DGKK: variants seen among roughly 807,000 people sequenced by gnomAD.
The protein encoded by DGKK is 142 kDa diacylglycerol kinase.
DGKK carries 35 observed loss-of-function variants against 92.2 expected under a neutral mutation model. That is an observed-to-expected ratio of 0.38 (90% CI 0.29 to 0.50). The LOEUF is 0.50. Ranked by LOEUF, DGKK falls within the 20% of genes least tolerant of loss-of-function variation. The probability of loss-of-function intolerance (pLI) is 0.92; values close to 1 mark genes in which losing one functional copy is unlikely to be tolerated. For missense variants in DGKK, 910 were observed against 992.2 expected (o/e 0.92, Z 1.11); for synonymous variants, 368 against 360.6 (o/e 1.02, Z -0.23).
rs1442281111 is a variant in DGKK at position 50,368,152 on chromosome X, G to A, written c.*788C>T. 1 of 110,573 alleles carries A rather than the reference G, an allele frequency of 9.0e-6. No homozygotes were observed. Among genetic ancestry groups the A allele is most frequent in the Non-Finnish European group, 1.9e-5 (1 of 52,956 alleles). 9.1% of individuals were successfully genotyped at this position (110,573 alleles called of 1,213,427 possible). A position where few individuals can be genotyped will look rare whatever the true frequency, so the allele number is the denominator to read the frequency against. On this transcript the variant is annotated 3_prime_UTR_variant, in exon 28 of 28. Transcript: ENST00000611977. ...GCAAAACATTTAGTTAAAAAATCCAGCAAGAATGCAGGCAAACACTCCGTG... is the reference window on the plus strand; with the variant it reads ...GCAAAACATTTAGTTAAAAAATCCAACAAGAATGCAGGCAAACACTCCGTG...
chrX:50,462,350 C>T (rs1304584451), intron 1 of DGKK, among the ~76,000 whole-genome samples: 1 of 102,228 alleles, frequency 9.8e-6, no homozygotes, highest in Non-Finnish European at 2.0e-5. Context: ...TTTCTTTGTA[C>T]AACACTTCAG....
intron 24 of DGKK, 75 bp downstream of exon 24, chrX:50,375,949 G>T: frequency 9.0e-7 from 1 of 1,115,642 alleles, no homozygotes; most frequent in Admixed American, 2.6e-5. Flanking sequence ...CCAGCCTCCG[G>T]CTCCACTTCT....
In DGKK at chrX:50,417,787, A is replaced by G. The variant is rs550501531; in HGVS notation, c.942+2616T>C. Among the ~76,000 whole-genome samples the G allele has an allele frequency of 1.1e-3, 122 of 110,409 alleles. No individual in the cohort carries two copies. In the Middle Eastern group the frequency reaches 0.014, roughly 12 times the overall value. On this transcript the variant is annotated intron_variant, in intron 4 of 27. Transcript: ENST00000611977. Reference sequence around the variant, plus strand: ...TGTCTAACCCATCCTGTATTTCTAAAGTATCCCTCTTATCAATTCTCTTCC... The same window carrying G: ...TGTCTAACCCATCCTGTATTTCTAAGGTATCCCTCTTATCAATTCTCTTCC...
At chrX:50,436,346 T>C (rs1449098550) in intron 1 of DGKK, among the ~76,000 whole-genome samples, 1 of 112,244 alleles carries the variant, frequency 8.9e-6, no homozygotes, top group Non-Finnish European at 1.9e-5. Flanking sequence ...AATCTGAGTC[T>C]TGGAGAGATG....
At chrX:50,428,020 T>C (rs1307020486) in intron 1 of DGKK, among the ~76,000 whole-genome samples, 2 of 110,051 alleles carry the variant, frequency 1.8e-5, no homozygotes, top group African/African-American at 6.6e-5. Context: ...GAGTGGTTGT[T>C]TGAGTTCTTT....
At chrX:50,438,433 C>T (rs782519444) in intron 1 of DGKK, among the ~76,000 whole-genome samples, 5 of 111,641 alleles carry the variant, frequency 4.5e-5, no homozygotes, top group Non-Finnish European at 9.4e-5. Context: ...TCCAAGACCA[C>T]ACACAGTTAC....
intron 1 of DGKK, among the ~76,000 whole-genome samples, chrX:50,447,385 TA>T (rs1926373348): frequency 1.2e-4 from 2 of 17,385 alleles, no homozygotes; most frequent in African/African-American, 8.3e-4. Flanking sequence ...ATATATATAA[TA>T]TATATATATT....
chrX:50,447,043 T>C (rs1197965350), intron 1 of DGKK, among the ~76,000 whole-genome samples: 2 of 106,942 alleles, frequency 1.9e-5, no homozygotes, highest in African/African-American at 6.8e-5. Context: ...AATATAATAC[T>C]GTAAAAGATA....
chrX:50,369,554 C>T (rs1390561402), intron 27 of DGKK, among the ~76,000 whole-genome samples: 1 of 104,494 alleles, frequency 9.6e-6, no homozygotes, highest in African/African-American at 3.5e-5. Flanking sequence ...CCCTGCCTCC[C>T]TCCTTCCCTC....
intron 7 of DGKK, 81 bp from the exon 8 acceptor site, chrX:50,401,220 C>G: frequency 1.1e-6 from 1 of 873,011 alleles, no homozygotes; most frequent in Non-Finnish European, 1.6e-6. Context: ...AGTTCCAATA[C>G]CAAGATTTAG....
chrX:50,408,083 A>T (rs112619618), intron 4 of DGKK, among the ~76,000 whole-genome samples: 2,741 of 112,611 alleles, frequency 0.024, 66 homozygotes, highest in African/African-American at 0.082. Flanking sequence ...GAGGCCAGAG[A>T]TGCTGCTGTT....
intron 22 of DGKK, 87 bp downstream of exon 22, chrX:50,377,997 AGACCTCCTTTTGAG>A: frequency 9.8e-7 from 1 of 1,018,305 alleles, no homozygotes; most frequent in Non-Finnish European, 1.3e-6. Context: ...AGGGGCACAC[AGACCTCCTTTTGAG>A]GAATTCTGCT....
chrX:50,384,163 C>T lies in DGKK; in HGVS notation c.2549+5G>A, dbSNP rs1557224700. ...CATTAAAAGGTGATAGAGTTAAATA[C>T]TTACATAGATTCAGGTGTAAAATGT... On this transcript the variant is annotated splice_donor_5th_base_variant and intron_variant, in intron 17 of 27. Transcript: ENST00000611977. 11 of 1,122,897 alleles carry T rather than the reference C, an allele frequency of 9.8e-6. No individual in the cohort carries two copies. Among genetic ancestry groups the T allele is most frequent in the Non-Finnish European group, 1.3e-5 (11 of 832,909 alleles). 92.5% of individuals were successfully genotyped at this position (1,122,897 alleles called of 1,213,427 possible).
At chrX:50,371,364 G>A (rs1924121269) in intron 26 of DGKK, among the ~76,000 whole-genome samples, 1 of 112,116 alleles carries the variant, frequency 8.9e-6, no homozygotes, top group Admixed American at 9.4e-5. Flanking sequence ...ACCAGATGAA[G>A]TTCAGTCCTG....
Position 50,391,486 on chromosome X carries a change from G to C in DGKK, c.1795C>G (p.Leu599Val), listed in dbSNP as rs782521662. ...GAFWNKSKSP[L>V]DILNRVEQAS... is the part of the protein sequence containing the mutation. ...TGCTCCACTCTGTTGAGGATGTCCA[G>C]AGGTGACTTGCTTTTGTTCCAGAAT... Residue 599 changes from leucine to valine, a missense_variant, in exon 11 of 28, where the codon CTG (leucine) becomes GTG (valine). Coordinates refer to ENST00000611977, the MANE Select transcript of DGKK (RefSeq NM_001013742.4). 8.3e-7 allele frequency: 1 copy of C among 1,211,477 alleles called. No homozygotes were observed. Among genetic ancestry groups the C allele is most frequent in the Non-Finnish European group, 1.1e-6 (1 of 895,228 alleles).
At chrX:50,388,327 T>C (rs1924600067) in intron 13 of DGKK, among the ~76,000 whole-genome samples, 200 bp downstream of exon 13, 2 of 112,275 alleles carry the variant, frequency 1.8e-5, no homozygotes, top group Admixed American at 1.9e-4. Context: ...CAATTTTGAC[T>C]TTTTGGAGCA....
At chrX:50,462,200 G>C (rs1327022492) in intron 1 of DGKK, among the ~76,000 whole-genome samples, 1 of 111,005 alleles carries the variant, frequency 9.0e-6, no homozygotes, top group Non-Finnish European at 1.9e-5. Context: ...TCTTGGGAGT[G>C]TTGCCTACCT....
intron 24 of DGKK, among the ~76,000 whole-genome samples, chrX:50,375,513 A>G (rs1924247444): frequency 9.0e-6 from 1 of 111,611 alleles, no homozygotes; most frequent in South Asian, 3.8e-4. Context: ...ACACAATTAT[A>G]TCTTTCGCCT....
intron 2 of DGKK, among the ~76,000 whole-genome samples, chrX:50,423,150 T>G (rs1195337166): frequency 2.7e-5 from 3 of 112,497 alleles, no homozygotes; most frequent in Non-Finnish European, 5.6e-5. Context: ...ATTTTGTCTT[T>G]GAGCATGTGT....
Sources: gnomAD v4.1 joint callset for allele counts (sites outside exome capture counted in the v4.1 genomes callset) on GRCh38, gnomAD v4.1.1 for gene constraint, MANE v1.5 for transcripts, NCBI Gene and HGNC (gene_info 2026-07-23, HGNC 2026-07-21) for gene names.